The following CACHD1 variants were observed in gnomAD, a reference collection of about 807,000 sequenced individuals.
CACHD1 encodes the protein VWFA and cache domain-containing protein 1.
Under a neutral mutation model 138.7 loss-of-function variants are expected in CACHD1, and 71 were observed. That is an observed-to-expected ratio of 0.51 (90% CI 0.42 to 0.62). CACHD1 has a LOEUF of 0.62. CACHD1 is among the 20% of genes least tolerant of loss of function. The pLI, the probability that CACHD1 is intolerant of heterozygous loss-of-function variation, is 0.00. For synonymous variants in CACHD1, 578 were observed against 591.5 expected, an observed-to-expected ratio of 0.98 and a Z score of 0.33; for missense variants, 1,389 against 1,625.3, an observed-to-expected ratio of 0.85 and a Z score of 2.50.
chr1:64,579,830 A>T (rs1001603453), intron 2 of CACHD1: 17 of 154,100 alleles, frequency 1.1e-4, no homozygotes, highest in African/African-American at 4.1e-4. Context: ...GAACAAAAAC[A>T]TATATCGTAT....
intron 26 of CACHD1, among the ~76,000 whole-genome samples, chr1:64,687,439 A>T (rs954791308): frequency 1.3e-5 from 2 of 152,210 alleles, no homozygotes; most frequent in African/African-American, 4.8e-5. Context: ...AATTAAATGG[A>T]ATGCCCTTAG....
At chr1:64,492,310 A>G (rs1037648111) in intron 1 of CACHD1, among the ~76,000 whole-genome samples, 1 of 146,988 alleles carries the variant, frequency 6.8e-6, no homozygotes. Flanking sequence ...TTGAAGAATA[A>G]CGGCACTTGT....
chr1:64,600,791 G>C (rs1647204493), intron 3 of CACHD1, among the ~76,000 whole-genome samples: 1 of 152,192 alleles, frequency 6.6e-6, no homozygotes, highest in Non-Finnish European at 1.5e-5. Context: ...TCACAATCAG[G>C]ATAGGCCTTT....
rs1455313636 is a variant in CACHD1 at position 64,654,646 on chromosome 1, A to G, written c.1665-40A>G. The G allele has an allele frequency of 2.0e-6, 3 of 1,481,230 alleles. No individual in the cohort carries two copies. The African/African-American group carries it at 4.2e-5, about 21-fold the overall frequency. 91.8% of individuals were successfully genotyped at this position (1,481,230 alleles called of 1,614,324 possible). The stretch of plus-strand genomic sequence containing the variant: ...TGCCTTTAATTAAGTGCTTAATTTT[A>G]TCTTTTGCCTGAAATATTTAATTCT... On this transcript the variant is annotated intron_variant, in intron 11 of 26. Coordinates refer to ENST00000651257, the MANE Select transcript of CACHD1 (RefSeq NM_020925.4).
chr1:64,617,156 CAAAACA>C (rs1647741231), intron 4 of CACHD1, among the ~76,000 whole-genome samples: 1 of 22,050 alleles, frequency 4.5e-5, no homozygotes, highest in East Asian at 3.1e-3. Context: ...CAAAACAAAA[CAAAACA>C]AAAAAAAAAA....
chr1:64,640,703 ACACACAC>A (rs1286010806), intron 7 of CACHD1, among the ~76,000 whole-genome samples: 1 of 117,268 alleles, frequency 8.5e-6, no homozygotes, highest in Non-Finnish European at 1.8e-5. Flanking sequence ...ACACACACAC[ACACACAC>A]ACACACACAC....
intron 7 of CACHD1, 121 bp downstream of exon 7, chr1:64,634,381 T>TTTAC: frequency 5.6e-6 from 2 of 357,394 alleles, no homozygotes; most frequent in Non-Finnish European, 9.5e-6. Flanking sequence ...TATGTATGTA[T>TTTAC]TTATTTATTT....
intron 1 of CACHD1, among the ~76,000 whole-genome samples, chr1:64,477,605 TATTATTATTATTATTA>T (rs1557454968): frequency 1.3e-3 from 190 of 145,620 alleles, no homozygotes; most frequent in African/African-American, 4.4e-3. Flanking sequence ...TTATTATTAT[TATTATTATTATTATTA>T]TTATTTTATT....
At chr1:64,606,007 T>C (rs1334982834) in intron 4 of CACHD1, among the ~76,000 whole-genome samples, 1 of 151,972 alleles carries the variant, frequency 6.6e-6, no homozygotes, top group Non-Finnish European at 1.5e-5. Flanking sequence ...TCCTACCTGT[T>C]AAGTGGAAGG....
chr1:64,654,870 T>C, intron 12 of CACHD1, 67 bp downstream of exon 12: 2 of 1,222,032 alleles, frequency 1.6e-6, no homozygotes, highest in African/African-American at 3.0e-5. Context: ...CATGTTGGAA[T>C]TCTCAGCCAG....
At chr1:64,599,602 G>A (rs778624181) in intron 3 of CACHD1, among the ~76,000 whole-genome samples, 3 of 152,140 alleles carry the variant, frequency 2.0e-5, no homozygotes, top group Non-Finnish European at 2.9e-5. Context: ...GTACCACATG[G>A]TGAAACTACT....
chr1:64,636,837 A>G (rs1291900561), intron 7 of CACHD1, among the ~76,000 whole-genome samples: 2 of 152,178 alleles, frequency 1.3e-5, no homozygotes, highest in South Asian at 2.1e-4. Context: ...CACAGGAGTA[A>G]TGGCTCATTA....
intron 26 of CACHD1, among the ~76,000 whole-genome samples, chr1:64,682,401 G>T (rs1055160053): frequency 6.6e-6 from 1 of 152,038 alleles, no homozygotes; most frequent in Non-Finnish European, 1.5e-5. Context: ...TCCAGTGTTG[G>T]CTGGCAAACA....
At position 64,475,171 on chromosome 1, in the gene CACHD1, C is replaced by CTTTT. The variant is rs3078373; in HGVS notation, c.198+4245_198+4248dup. On this transcript the variant is annotated intron_variant, in intron 1 of 26. Coordinates refer to ENST00000651257, the MANE Select transcript of CACHD1 (RefSeq NM_020925.4). ...AAACAACAATGCACTAAATTCCTTC[C>CTTTT]TTTTTTTTTTTTTTTTTTTCTTAAG... 7.8e-3 allele frequency among the ~76,000 whole-genome samples: 972 copies of CTTTT among 124,220 alleles called. 67 individuals are homozygous for CTTTT. The highest frequency in any genetic ancestry group is 0.041 in the South Asian group (152 of 3,694). 81.5% of individuals were successfully genotyped at this position (124,220 alleles called of 152,430 possible). A position where few individuals can be genotyped will look rare whatever the true frequency, so the allele number is the denominator to read the frequency against.
intron 3 of CACHD1, among the ~76,000 whole-genome samples, chr1:64,586,386 A>G (rs1372488209): frequency 2.6e-5 from 4 of 152,182 alleles, no homozygotes; most frequent in South Asian, 2.1e-4. Context: ...ACACTTTCCT[A>G]TATTCCAATC....
At chr1:64,529,533 T>C (rs1646565579) in intron 1 of CACHD1, among the ~76,000 whole-genome samples, 1 of 152,240 alleles carries the variant, frequency 6.6e-6, no homozygotes, top group African/African-American at 2.4e-5. Context: ...TCTTTTTTGG[T>C]TTATTACATT....
intron 1 of CACHD1, among the ~76,000 whole-genome samples, chr1:64,471,823 G>A (rs1284156124): frequency 6.6e-6 from 1 of 152,074 alleles, no homozygotes; most frequent in Non-Finnish European, 1.5e-5. Flanking sequence ...CAGCTAGTAA[G>A]GAATCCTGAT....
At chr1:64,629,234 C>G (rs1648215682) in intron 4 of CACHD1, 121 bp from the exon 5 acceptor site, 2 of 1,083,528 alleles carry the variant, frequency 1.8e-6, no homozygotes, top group Non-Finnish European at 2.6e-6. Context: ...AATTTACAAT[C>G]TTGTATCTAG....
At chr1:64,639,243 G>A (rs554109150) in intron 7 of CACHD1, among the ~76,000 whole-genome samples, 1 of 152,266 alleles carries the variant, frequency 6.6e-6, no homozygotes, top group South Asian at 2.1e-4. Flanking sequence ...CTGTATCTAT[G>A]TATATATGTT....
Sources: allele counts gnomAD v4.1 joint callset (sites outside exome capture counted in the v4.1 genomes callset), GRCh38; gene constraint gnomAD v4.1.1; transcripts MANE v1.5; gene names NCBI Gene and HGNC (gene_info 2026-07-23, HGNC 2026-07-21).